Variants in ALG14 observed in about 807,000 individuals in gnomAD.
ALG14 encodes the protein ALG14 UDP-N-acetylglucosaminyltransferase subunit.
In ALG14, 17 loss-of-function variants were observed where a neutral mutation model predicts 22.8. The observed-to-expected ratio is 0.75, with a 90% CI of 0.51 to 1.12. ALG14 has a LOEUF of 1.12. ALG14 is among the 50% of genes most tolerant of loss of function. ALG14 has a pLI of 0.00. For missense variants in ALG14, 288 were observed against 271.8 expected (o/e 1.06, Z -0.42); for synonymous variants, 89 against 103.7 (o/e 0.86, Z 0.86).
intron 2 of ALG14, among the ~76,000 whole-genome samples, chr1:95,057,426 TA>T (rs1415329834): frequency 6.6e-6 from 1 of 151,832 alleles, no homozygotes; most frequent in Non-Finnish European, 1.5e-5. Context: ...ATTTACATAG[TA>T]TTTACACTGT....
intron 2 of ALG14, among the ~76,000 whole-genome samples, chr1:95,058,481 G>C (rs80308433): frequency 0.046 from 6,917 of 150,714 alleles, 211 homozygotes; most frequent in South Asian, 0.082. Context: ...GCTGGGCGCC[G>C]TGGCACATGC....
rs1376486620 is a variant in ALG14, at chr1:94,981,475, A to G, written c.*1601T>C. On this transcript the variant is annotated 3_prime_UTR_variant, in exon 4 of 4. Coordinates refer to ENST00000370205, the MANE Select transcript of ALG14 (RefSeq NM_144988.4). ...TTTTTTGCTTTTTTTTTTTAAAAAA[A>G]AAAAAAAGAAAAAAGGCTGGATCAG... 1.3e-5 allele frequency: 2 copies of G among 150,426 alleles called. No individual in the cohort carries two copies. The highest frequency in any genetic ancestry group is 3.0e-5 in the Non-Finnish European group (2 of 67,642). The allele number at this position is 150,426 out of a possible 1,614,324, so 9.3% of individuals were successfully genotyped here. A position where few individuals can be genotyped will look rare whatever the true frequency, so the allele number is the denominator to read the frequency against.
chr1:95,055,434 C>A (rs1674892709), intron 2 of ALG14, among the ~76,000 whole-genome samples: 1 of 151,352 alleles, frequency 6.6e-6, no homozygotes, highest in South Asian at 2.1e-4. Context: ...AGTAAAAAAA[C>A]AATACAAGAC....
chr1:95,032,998 G>C (rs943084735), intron 2 of ALG14, among the ~76,000 whole-genome samples: 2 of 152,220 alleles, frequency 1.3e-5, no homozygotes, highest in African/African-American at 4.8e-5. Context: ...GAATGAGACA[G>C]AGGTTCAGAC....
rs1235564759 is a variant in ALG14, at chr1:94,981,415, C to T, written c.*1661G>A. 6.6e-6 allele frequency: 1 copy of T among 150,644 alleles called. No individual in the cohort carries two copies. Among genetic ancestry groups the T allele is most frequent in the African/African-American group, 2.4e-5 (1 of 40,888 alleles). The allele number at this position is 150,644 out of a possible 1,614,324, so 9.3% of individuals were successfully genotyped here. ...GAAGATGTCCGGCTGACAGATGCGCCTGTTACATGATTCAGAGAAGACAGT... is the reference window on the plus strand; with the variant it reads ...GAAGATGTCCGGCTGACAGATGCGCTTGTTACATGATTCAGAGAAGACAGT... On this transcript the variant is annotated 3_prime_UTR_variant, in exon 4 of 4. Coordinates refer to ENST00000370205, the MANE Select transcript of ALG14 (RefSeq NM_144988.4).
chr1:95,021,181 C>T (rs1255741363), intron 3 of ALG14, among the ~76,000 whole-genome samples: 1 of 152,158 alleles, frequency 6.6e-6, no homozygotes, highest in Non-Finnish European at 1.5e-5. Flanking sequence ...TGTAAATGGT[C>T]ATCATCAGGT....
At position 94,983,196 on chromosome 1, in the gene ALG14, A is replaced by G. The variant is rs202102263; in HGVS notation, c.531T>C (p.Arg177=). The change falls in exon 4 of 4, where the codon CGT becomes CGC. Residue 177 remains arginine, a synonymous_variant. Transcript: ENST00000370205. ...VIIVYVESIC[R]VETLSMSGKI... is the part of the protein sequence containing the mutation. ...TTCCGGACATGGATAACGTTTCTAC[A>G]CGGCAGATGCTTTCAACGTAGACAA... 6.2e-7 allele frequency: 1 copy of G among 1,614,176 alleles called. No individual in the cohort carries two copies. Among genetic ancestry groups the G allele is most frequent in the African/African-American group, 1.3e-5 (1 of 75,038 alleles).
chr1:95,036,811 G>C (rs1019074227), intron 2 of ALG14, among the ~76,000 whole-genome samples: 1 of 152,124 alleles, frequency 6.6e-6, no homozygotes, highest in Non-Finnish European at 1.5e-5. Flanking sequence ...CCCATGATGG[G>C]TCCTGCTGAT....
At chr1:95,028,474 C>T (rs553746141) in intron 2 of ALG14, among the ~76,000 whole-genome samples, 1 of 152,272 alleles carries the variant, frequency 6.6e-6, no homozygotes, top group African/African-American at 2.4e-5. Flanking sequence ...GCTAGAATTA[C>T]AGGGTTGAGT....
At chr1:94,999,488 C>T (rs1379033928) in intron 3 of ALG14, among the ~76,000 whole-genome samples, 1 of 151,994 alleles carries the variant, frequency 6.6e-6, no homozygotes, top group Non-Finnish European at 1.5e-5. Flanking sequence ...CCCCAACACA[C>T]CAACTTACTC....
At chr1:95,029,453 G>A (rs764334362) in intron 2 of ALG14, among the ~76,000 whole-genome samples, 2 of 152,152 alleles carry the variant, frequency 1.3e-5, no homozygotes, top group Non-Finnish European at 2.9e-5. Context: ...TGATATGGAA[G>A]GGGCTACACT....
chr1:95,010,157 T>A (rs1673323746), intron 3 of ALG14, among the ~76,000 whole-genome samples: 1 of 152,252 alleles, frequency 6.6e-6, no homozygotes, highest in Non-Finnish European at 1.5e-5. Flanking sequence ...ATTGTCATAC[T>A]GGTCCTGTGT....
intron 2 of ALG14, among the ~76,000 whole-genome samples, chr1:95,033,816 TAACTA>T (rs1204568085): frequency 1.3e-5 from 2 of 152,178 alleles, no homozygotes; most frequent in African/African-American, 2.4e-5. Flanking sequence ...AACAGCCTCT[TAACTA>T]GTCTCTTTGC....
Position 95,018,075 on chromosome 1 carries a change from A to G in ALG14, c.420+9054T>C, listed in dbSNP as rs145782353. Among the ~76,000 whole-genome samples, 202 of 152,362 alleles carry G rather than the reference A, an allele frequency of 1.3e-3. 2 individuals are homozygous for G. The Middle Eastern group carries it at 0.037, about 28-fold the overall frequency. ...AGTCACCACACCTAACTACTGACAA[A>G]GATGAGAGTAAAGCCAAAACCTCCT... On this transcript the variant is annotated intron_variant, in intron 3 of 3. Transcript: ENST00000370205.
rs368855559 is a variant in ALG14 at position 94,982,699 on chromosome 1, C to CAAAA, written c.*373_*376dup. On this transcript the variant is annotated 3_prime_UTR_variant, in exon 4 of 4. Coordinates refer to ENST00000370205, the MANE Select transcript of ALG14 (RefSeq NM_144988.4). Reference sequence around the variant, plus strand: ...TTCTTTTACAATGCAGAATACTTTACAAAAAAAAAAAAAAAAAAAAAAAGC... The same window carrying CAAAA: ...TTCTTTTACAATGCAGAATACTTTACAAAAAAAAAAAAAAAAAAAAAAAAAAAGC... The CAAAA allele has an allele frequency of 2.9e-3, 227 of 79,412 alleles. 4 individuals are homozygous for CAAAA. The highest frequency in any genetic ancestry group is 3.6e-3 in the African/African-American group (73 of 20,196). The allele number at this position is 79,412 out of a possible 1,614,324, so 4.9% of individuals were successfully genotyped here.
At chr1:94,998,580 T>G (rs1437853587) in intron 3 of ALG14, among the ~76,000 whole-genome samples, 1 of 152,198 alleles carries the variant, frequency 6.6e-6, no homozygotes. Context: ...AAAAATATAT[T>G]TATGAATTAA....
At chr1:95,025,725 C>A (rs1049931737) in intron 3 of ALG14, among the ~76,000 whole-genome samples, 1 of 152,194 alleles carries the variant, frequency 6.6e-6, no homozygotes, top group African/African-American at 2.4e-5. Flanking sequence ...TCTCAACCAA[C>A]CTTTGCTACC....
chr1:95,039,200 G>T (rs1489640376), intron 2 of ALG14, among the ~76,000 whole-genome samples: 3 of 152,176 alleles, frequency 2.0e-5, no homozygotes, highest in African/African-American at 7.2e-5. Context: ...AATATCTGGG[G>T]AACTGTATTT....
chr1:95,055,033 A>C (rs1044827038), intron 2 of ALG14, among the ~76,000 whole-genome samples: 1 of 152,256 alleles, frequency 6.6e-6, no homozygotes, highest in Non-Finnish European at 1.5e-5. Flanking sequence ...TAAACAAATA[A>C]AATGGGAACA....
Sources: gnomAD v4.1 joint callset for allele counts (sites outside exome capture counted in the v4.1 genomes callset) on GRCh38, gnomAD v4.1.1 for gene constraint, MANE v1.5 for transcripts, NCBI Gene and HGNC (gene_info 2026-07-23, HGNC 2026-07-21) for gene names.